Variants in DENND2B observed in about 807,000 individuals in gnomAD.
DENND2B encodes DENN domain-containing protein 2B.
Under a neutral mutation model 116.0 loss-of-function variants are expected in DENND2B, and 32 were observed. The observed-to-expected ratio is 0.28, with a 90% CI of 0.21 to 0.37. The LOEUF (loss-of-function observed/expected upper bound fraction) is 0.37, where lower values mean the gene tolerates loss of function less well. Ranked by LOEUF, DENND2B falls within the 10% of genes least tolerant of loss-of-function variation. The pLI is 1.00. For synonymous variants in DENND2B, 588 were observed against 583.9 expected, an observed-to-expected ratio of 1.01 and a Z score of -0.10; for missense variants, 1,276 against 1,477.7, an observed-to-expected ratio of 0.86 and a Z score of 2.24.
At chr11:8,718,033 A>T in intron 4 of DENND2B, 141 bp from the exon 5 acceptor site, 1 of 903,380 alleles carries the variant, frequency 1.1e-6, no homozygotes, top group South Asian at 1.7e-5. Flanking sequence ...TGAGTCATGC[A>T]GCTGCCCGTC....
chr11:8,884,370 A>C (rs1027479675), intron 1 of DENND2B, among the ~76,000 whole-genome samples: 2 of 151,922 alleles, frequency 1.3e-5, no homozygotes, highest in African/African-American at 4.8e-5. Context: ...TCTGTCATCC[A>C]AGCTGGAGTT....
intron 4 of DENND2B, among the ~76,000 whole-genome samples, chr11:8,837,082 T>A (rs992043841): frequency 6.6e-6 from 1 of 151,842 alleles, no homozygotes; most frequent in African/African-American, 2.4e-5. Context: ...ACTTTGGAGA[T>A]TGTCTTTGTC....
At chr11:8,892,684 A>C (rs1201231171) in intron 1 of DENND2B, among the ~76,000 whole-genome samples, 1 of 152,222 alleles carries the variant, frequency 6.6e-6, no homozygotes, top group African/African-American at 2.4e-5. Flanking sequence ...ACACCCTCCC[A>C]AGACTAAACT....
intron 2 of DENND2B, among the ~76,000 whole-genome samples, chr11:8,862,297 G>C (rs1055445589): frequency 1.3e-5 from 2 of 150,300 alleles, no homozygotes; most frequent in Non-Finnish European, 3.0e-5. Context: ...AAGTCAGTGA[G>C]GGGAAAAAGA....
At chr11:8,880,381 G>GTGTGTGTGTA (rs1566080042) in intron 2 of DENND2B, among the ~76,000 whole-genome samples, 2 of 145,054 alleles carry the variant, frequency 1.4e-5, no homozygotes, top group East Asian at 4.0e-4. Context: ...GTGTGTGTGT[G>GTGTGTGTGTA]TGTAGTTTTT....
intron 2 of DENND2B, among the ~76,000 whole-genome samples, chr11:8,737,234 G>T (rs2049213560): frequency 6.6e-6 from 1 of 152,216 alleles, no homozygotes; most frequent in Non-Finnish European, 1.5e-5. Context: ...ATCCTCTAGA[G>T]CGTAAGTGTA....
At position 8,712,098 on chromosome 11, in the gene DENND2B, G is replaced by C; in HGVS notation, c.2172+453C>G. ...GTGAGAGGAAGAAGAGGGAGGCCAGGCTGGCTGGCGACAAGCAGGGAAGGC... is the reference window on the plus strand; with the variant it reads ...GTGAGAGGAAGAAGAGGGAGGCCAGCCTGGCTGGCGACAAGCAGGGAAGGC... On this transcript the variant is annotated intron_variant, in intron 9 of 19. Transcript: ENST00000313726. The surrounding 1 kb of genome is among the most constrained non-coding windows in gnomAD (Gnocchi z 4.4). 1 of 411,108 alleles carries C rather than the reference G, an allele frequency of 2.4e-6. No individual in the cohort carries two copies. The highest frequency in any genetic ancestry group is 1.7e-5 in the South Asian group (1 of 58,958). The allele number at this position is 411,108 out of a possible 1,614,324, so 25.5% of individuals were successfully genotyped here. A position where few individuals can be genotyped will look rare whatever the true frequency, so the allele number is the denominator to read the frequency against.
At chr11:8,828,613 G>A (rs2062069406) in intron 4 of DENND2B, among the ~76,000 whole-genome samples, 1 of 152,056 alleles carries the variant, frequency 6.6e-6, no homozygotes, top group Non-Finnish European at 1.5e-5. Flanking sequence ...GACAAGCAGG[G>A]CGGACCGAGC....
At chr11:8,872,352 G>T (rs1010468011), upstream of DENND2B, among the ~76,000 whole-genome samples, 6 of 152,022 alleles carry the variant, frequency 3.9e-5, no homozygotes, top group African/African-American at 1.5e-4. Context: ...CAGGAGTGGT[G>T]GCAGGCGCCT....
intron 1 of DENND2B, among the ~76,000 whole-genome samples, chr11:8,781,655 GATAACCT>G (rs2058389243): frequency 1.3e-5 from 2 of 151,312 alleles, no homozygotes; most frequent in African/African-American, 4.9e-5. Context: ...ACCTCACAAG[GATAACCT>G]ATACAAAGTT....
upstream of DENND2B, chr11:8,810,834 C>CTCTCTCTCTCTCTCTCTCTCTCTT: frequency 6.5e-6 from 1 of 153,000 alleles, no homozygotes; most frequent in African/African-American, 2.4e-5. Flanking sequence ...CTCTCTCTCT[C>CTCTCTCTCTCTCTCTCTCTCTCTT]TCTCTCAGTT....
chr11:8,872,441 C>T (rs964367471), upstream of DENND2B, among the ~76,000 whole-genome samples: 5 of 148,014 alleles, frequency 3.4e-5, no homozygotes, highest in African/African-American at 1.0e-4. Context: ...AAGCCAAGAT[C>T]GCACCACTGC....
intron 4 of DENND2B, among the ~76,000 whole-genome samples, chr11:8,824,691 T>A (rs917665813): frequency 2.1e-5 from 3 of 143,584 alleles, no homozygotes; most frequent in South Asian, 2.3e-4. Context: ...TCAAACAAAA[T>A]TTTTTTTTTT....
Position 8,730,891 on chromosome 11 carries a change from G to T in DENND2B, c.399C>A (p.Pro133=). The change falls in exon 3 of 20, where the codon CCC becomes CCA. Residue 133 remains proline, a synonymous_variant. Transcript: ENST00000313726. The surrounding 1 kb of genome is among the most constrained non-coding windows in gnomAD (Gnocchi z 4.1). The part of the protein sequence containing the change: ...QDVAGVAACL[P]LAQSTPFPGP... ...CCGGGAATGGCGTGCTCTGGGCAAGGGGGAGGCAGGCAGCGACCCCTGCTA... is the reference window on the plus strand; with the variant it reads ...CCGGGAATGGCGTGCTCTGGGCAAGTGGGAGGCAGGCAGCGACCCCTGCTA... 6.2e-7 allele frequency: 1 copy of T among 1,614,018 alleles called. No individual in the cohort carries two copies. Among genetic ancestry groups the T allele is most frequent in the Non-Finnish European group, 8.5e-7 (1 of 1,180,052 alleles).
At chr11:8,699,707 A>G in intron 14 of DENND2B, 1 of 422,922 alleles carries the variant, frequency 2.4e-6, no homozygotes, top group Non-Finnish European at 4.5e-6. Context: ...CCCGTGGCTG[A>G]GGAGGCAGTA....
Position 8,750,685 on chromosome 11 carries a change from T to G in DENND2B, c.16A>C (p.Asn6His). The change falls in exon 2 of 20, where the codon AAC becomes CAC. Residue 6 changes from asparagine (N) to histidine (H), a missense_variant. Physicochemically the swap from Asn to His is moderately conservative, Grantham distance 68 (BLOSUM62 1). Around this residue, in one of 2 missense-constraint regions of DENND2B, gnomAD observed 856 missense variants for 846.6 expected, o/e 1.01. Transcript: ENST00000313726. Reference protein sequence around the residue: MTMTANKNSSITHGAG... With the variant: MTMTAHKNSSITHGAG... ...CCGTGGGTGATGCTGGAATTCTTGTTGGCAGTCATGGTCATTTCGGCTCTC... is the reference window on the plus strand; with the variant it reads ...CCGTGGGTGATGCTGGAATTCTTGTGGGCAGTCATGGTCATTTCGGCTCTC... The G allele has an allele frequency of 6.2e-7, 1 of 1,614,174 alleles. No homozygotes were observed. Among genetic ancestry groups the G allele is most frequent in the Non-Finnish European group, 8.5e-7 (1 of 1,180,028 alleles).
intron 4 of DENND2B, among the ~76,000 whole-genome samples, chr11:8,820,165 T>G (rs1319879228): frequency 6.6e-6 from 1 of 152,216 alleles, no homozygotes; most frequent in African/African-American, 2.4e-5. Flanking sequence ...TTGAAGAATA[T>G]TTAGTAAAAT....
intron 1 of DENND2B, among the ~76,000 whole-genome samples, chr11:8,791,765 C>CAA (rs3055911): frequency 0.32 from 47,770 of 147,208 alleles, 9,219 homozygotes; most frequent in Non-Finnish European, 0.42. Context: ...GACCCTATCT[C>CAA]AAAAAAAAAA....
At chr11:8,838,982 C>T (rs2062529496) in intron 4 of DENND2B, among the ~76,000 whole-genome samples, 1 of 152,246 alleles carries the variant, frequency 6.6e-6, no homozygotes, top group African/African-American at 2.4e-5. Flanking sequence ...TCCAAGCCTA[C>T]TCCCAGCACC....
Sources: gnomAD v4.1 joint callset for allele counts (sites outside exome capture counted in the v4.1 genomes callset) on GRCh38, gnomAD v4.1.1 for gene constraint, gnomAD v4.1.1 regional missense constraint, Gnocchi (gnomAD v3.1) non-coding constraint, MANE v1.5 for transcripts, NCBI Gene and HGNC (gene_info 2026-07-23, HGNC 2026-07-21) for gene names.